The following MARCHF1 variants were observed in gnomAD, a reference collection of about 807,000 sequenced individuals.
The protein encoded by MARCHF1 is membrane associated ring-CH-type finger 1.
In MARCHF1, 40 loss-of-function variants were observed where a neutral mutation model predicts 54.2. That is an observed-to-expected ratio of 0.74 (90% CI 0.57 to 0.96). MARCHF1 has a LOEUF of 0.96. Ranked by LOEUF, MARCHF1 falls within the 40% of genes least tolerant of loss-of-function variation. The pLI, the probability that MARCHF1 is intolerant of heterozygous loss-of-function variation, is 0.00. For synonymous variants in MARCHF1, 236 were observed against 236.3 expected, an observed-to-expected ratio of 1.00 and a Z score of 0.01; for missense variants, 586 against 656.5, an observed-to-expected ratio of 0.89 and a Z score of 1.17.
chr4:164,364,465 A>T (rs1730822089), intron 1 of MARCHF1, among the ~76,000 whole-genome samples: 1 of 152,102 alleles, frequency 6.6e-6, no homozygotes. Flanking sequence ...CACAAAGGAA[A>T]TTGTTTAACT....
chr4:163,789,326 A>G (rs2110932716), intron 4 of MARCHF1, among the ~76,000 whole-genome samples: 1 of 152,146 alleles, frequency 6.6e-6, no homozygotes, highest in East Asian at 1.9e-4. Flanking sequence ...AGAAGGGAAC[A>G]GCACACACTG....
At chr4:163,792,856 G>A (rs1331207562) in intron 4 of MARCHF1, among the ~76,000 whole-genome samples, 1 of 152,184 alleles carries the variant, frequency 6.6e-6, no homozygotes, top group Non-Finnish European at 1.5e-5. Context: ...ATGTGAAGCA[G>A]GGAAAAAACA....
At position 164,254,311 on chromosome 4, in the gene MARCHF1, G is replaced by GTATA. The variant is rs146447802; in HGVS notation, c.-323+129555_-323+129558dup. Among the ~76,000 whole-genome samples, 694 of 144,012 alleles carry GTATA rather than the reference G, an allele frequency of 4.8e-3. 7 individuals carry two copies. Among genetic ancestry groups the GTATA allele is most frequent in the African/African-American group, 0.015 (535 of 36,752 alleles). The allele number at this position is 144,012 out of a possible 152,430, so 94.5% of individuals were successfully genotyped here. ...TTCTCTTAAAGGGACAGAACTAATA[G>GTATA]TATACATATATATATATCCTATATA... On this transcript the variant is annotated intron_variant, in intron 1 of 9. Transcript: ENST00000514618.
intron 4 of MARCHF1, among the ~76,000 whole-genome samples, chr4:163,823,210 T>C (rs1748747883): frequency 6.6e-6 from 1 of 151,830 alleles, no homozygotes; most frequent in Non-Finnish European, 1.5e-5. Flanking sequence ...ACAATAGTTA[T>C]ACAATTCTAA....
At chr4:164,076,027 A>G (rs1179774507) in intron 2 of MARCHF1, among the ~76,000 whole-genome samples, 3 of 152,146 alleles carry the variant, frequency 2.0e-5, no homozygotes, top group African/African-American at 7.2e-5. Context: ...TCCTGTAACT[A>G]GTGATACAGG....
intron 8 of MARCHF1, among the ~76,000 whole-genome samples, chr4:163,553,032 C>CA (rs778572383): frequency 0.087 from 5,579 of 64,156 alleles, 158 homozygotes; most frequent in South Asian, 0.15. Context: ...GACTCCGTCT[C>CA]AAAAAAAAAA....
chr4:163,894,080 C>G (rs2111279873), intron 3 of MARCHF1, among the ~76,000 whole-genome samples: 1 of 152,186 alleles, frequency 6.6e-6, no homozygotes, highest in African/African-American at 2.4e-5. Flanking sequence ...GAAAATGAAG[C>G]AGCATAAAAT....
At chr4:163,785,228 C>T (rs937066902) in intron 4 of MARCHF1, among the ~76,000 whole-genome samples, 1 of 152,092 alleles carries the variant, frequency 6.6e-6, no homozygotes, top group Non-Finnish European at 1.5e-5. Context: ...ATTTGAAGAT[C>T]TCCATAGTCA....
intron 4 of MARCHF1, among the ~76,000 whole-genome samples, chr4:163,844,592 A>G (rs553282261): frequency 6.6e-6 from 1 of 152,308 alleles, no homozygotes; most frequent in South Asian, 2.1e-4. Context: ...TGGCACATAA[A>G]TGATTCAATA....
chr4:163,675,459 GGA>G (rs756917192), intron 5 of MARCHF1, among the ~76,000 whole-genome samples: 23 of 152,124 alleles, frequency 1.5e-4, no homozygotes, highest in Non-Finnish European at 2.9e-4. Flanking sequence ...TTATTGTGGA[GGA>G]GAGAGAGAGT....
chr4:163,694,839 A>G (rs1744570373), intron 5 of MARCHF1, among the ~76,000 whole-genome samples: 1 of 152,138 alleles, frequency 6.6e-6, no homozygotes, highest in African/African-American at 2.4e-5. Flanking sequence ...AACATGCTTC[A>G]GGACATAAGA....
chr4:164,190,133 C>G (rs1160169879), intron 1 of MARCHF1: 37 of 1,542,624 alleles, frequency 2.4e-5, no homozygotes, highest in Non-Finnish European at 2.5e-5. Context: ...GTAAACTTTC[C>G]TCTGAAGATA....
chr4:163,754,888 G>A (rs895097937), intron 4 of MARCHF1, among the ~76,000 whole-genome samples: 4 of 152,142 alleles, frequency 2.6e-5, no homozygotes, highest in African/African-American at 9.7e-5. Context: ...CTTGAGGGGA[G>A]AATGAAGAGG....
chr4:163,742,878 GT>G (rs1350329077), intron 4 of MARCHF1, among the ~76,000 whole-genome samples: 1 of 152,060 alleles, frequency 6.6e-6, no homozygotes, highest in Non-Finnish European at 1.5e-5. Flanking sequence ...ATATGGACTG[GT>G]TTTTAATTAA....
At chr4:163,789,730 C>T (rs1275579294) in intron 4 of MARCHF1, among the ~76,000 whole-genome samples, 1 of 151,902 alleles carries the variant, frequency 6.6e-6, no homozygotes. Context: ...CATCACTCAC[C>T]ATTGTTTAAT....
intron 2 of MARCHF1, among the ~76,000 whole-genome samples, chr4:164,034,609 T>C (rs992142854): frequency 2.1e-4 from 32 of 152,066 alleles, no homozygotes; most frequent in Non-Finnish European, 4.6e-4. Context: ...AAGCAAATAA[T>C]ATACATACAT....
At chr4:164,081,276 TGTTCATGA>T (rs1755096480) in intron 2 of MARCHF1, among the ~76,000 whole-genome samples, 1 of 124,158 alleles carries the variant, frequency 8.1e-6, no homozygotes, top group African/African-American at 3.0e-5. Context: ...AATTCAGAAA[TGTTCATGA>T]GTTCATGATT....
intron 4 of MARCHF1, among the ~76,000 whole-genome samples, chr4:163,790,029 T>C (rs893263497): frequency 1.3e-5 from 2 of 152,060 alleles, no homozygotes; most frequent in African/African-American, 2.4e-5. Context: ...TCATGATAAA[T>C]AGCTAAGATC....
chr4:164,338,563 A>G (rs914031634), intron 1 of MARCHF1, among the ~76,000 whole-genome samples: 1 of 152,252 alleles, frequency 6.6e-6, no homozygotes, highest in Non-Finnish European at 1.5e-5. Context: ...AAGTGAAGCA[A>G]TGAAATTTCA....
Sources: allele counts gnomAD v4.1 joint callset (sites outside exome capture counted in the v4.1 genomes callset), GRCh38; gene constraint gnomAD v4.1.1; transcripts MANE v1.5; gene names NCBI Gene and HGNC (gene_info 2026-07-23, HGNC 2026-07-21).